TRHDE: variants seen among roughly 807,000 people sequenced by gnomAD.
The protein encoded by TRHDE is thyrotropin releasing hormone degrading enzyme, also known as thyrotropin-releasing hormone-degrading ectoenzyme.
TRHDE carries 72 observed loss-of-function variants against 125.7 expected under a neutral mutation model. The ratio of observed to expected loss-of-function variants is 0.57; its 90% CI spans 0.47 to 0.70. The LOEUF is 0.70. Ranked by LOEUF, TRHDE falls within the 30% of genes least tolerant of loss-of-function variation. The pLI, the probability that TRHDE is intolerant of heterozygous loss-of-function variation, is 0.00. For synonymous variants in TRHDE, 509 were observed against 509.1 expected (o/e 1.00, Z 0.00); for missense variants, 1,110 against 1,327.1 (o/e 0.84, Z 2.54).
intron 7 of TRHDE, among the ~76,000 whole-genome samples, chr12:72,561,449 C>G (rs997601063): frequency 2.6e-5 from 4 of 152,100 alleles, no homozygotes; most frequent in Non-Finnish European, 5.9e-5. Context: ...CCAGCCATAA[C>G]TAAATAGCAC....
chr12:72,108,588 C>A (rs962581102), intron 2 of TRHDE, among the ~76,000 whole-genome samples: 1 of 151,946 alleles, frequency 6.6e-6, no homozygotes, highest in Non-Finnish European at 1.5e-5. Flanking sequence ...TAATGGAGGG[C>A]AATTATGGTA....
At chr12:72,296,410 A>G (rs1880301373) in intron 2 of TRHDE, among the ~76,000 whole-genome samples, 1 of 152,226 alleles carries the variant, frequency 6.6e-6, no homozygotes, top group Admixed American at 6.5e-5. Context: ...CTAAACAGGG[A>G]ACTGAATCCA....
At chr12:72,185,132 A>T (rs1203180845) in intron 2 of TRHDE, among the ~76,000 whole-genome samples, 1 of 151,996 alleles carries the variant, frequency 6.6e-6, no homozygotes, top group Non-Finnish European at 1.5e-5. Flanking sequence ...CCGCACTCGC[A>T]CTCGGAGCAG....
chr12:72,240,449 G>A (rs968816325), intron 2 of TRHDE, among the ~76,000 whole-genome samples: 2 of 151,574 alleles, frequency 1.3e-5, no homozygotes, highest in East Asian at 3.9e-4. Flanking sequence ...AGGTCATCTT[G>A]ACAGATAACA....
At chr12:72,647,174 G>A (rs1425409618) in intron 15 of TRHDE, among the ~76,000 whole-genome samples, 2 of 151,886 alleles carry the variant, frequency 1.3e-5, no homozygotes, top group Non-Finnish European at 2.9e-5. Flanking sequence ...AAAAGAAAAT[G>A]GAAAAGTTTA....
At chr12:72,498,994 T>C (rs1878033788) in intron 5 of TRHDE, among the ~76,000 whole-genome samples, 1 of 149,572 alleles carries the variant, frequency 6.7e-6, no homozygotes, top group Admixed American at 6.7e-5. Flanking sequence ...TGTGTGTGTT[T>C]TGTGTGAGTG....
chr12:72,610,653 C>T (rs900861978), intron 12 of TRHDE: 3 of 152,194 alleles, frequency 2.0e-5, no homozygotes, highest in African/African-American at 7.2e-5. Flanking sequence ...GAAGCAGGAA[C>T]CACAGGTGGA....
At chr12:72,388,890 C>T (rs573472626) in intron 3 of TRHDE, among the ~76,000 whole-genome samples, 2 of 150,384 alleles carry the variant, frequency 1.3e-5, no homozygotes, top group East Asian at 3.9e-4. Flanking sequence ...ATCTAGTTGC[C>T]TATCAGCTCT....
intron 2 of TRHDE, chr12:72,264,518 G>A (rs1879022072): frequency 6.6e-6 from 1 of 152,010 alleles, no homozygotes; most frequent in African/African-American, 2.4e-5. Flanking sequence ...TCTTGTAAAT[G>A]AATATCGATT....
intron 3 of TRHDE, among the ~76,000 whole-genome samples, chr12:72,406,469 A>T (rs1461684399): frequency 6.6e-6 from 1 of 152,070 alleles, no homozygotes; most frequent in Non-Finnish European, 1.5e-5. Context: ...TAGGGTTTAT[A>T]TTGTTAGGTG....
intron 2 of TRHDE, among the ~76,000 whole-genome samples, chr12:72,118,692 G>C (rs1423660845): frequency 6.6e-6 from 1 of 152,104 alleles, no homozygotes; most frequent in East Asian, 1.9e-4. Flanking sequence ...GCTTTCCTTT[G>C]CTGGGAGACT....
At position 72,439,917 on chromosome 12, in the gene TRHDE, T is replaced by C. The variant is rs370005511; in HGVS notation, c.1316-29841T>C. Among the ~76,000 whole-genome samples, 12 of 152,088 alleles carry C rather than the reference T, an allele frequency of 7.9e-5. No homozygotes were observed. The East Asian group carries it at 2.3e-3, about 29-fold the overall frequency. ...GGTTTGTCATATATAGTCTTTGTTT[T>C]GTTGAGTGACATTCCTTCTATACCT... On this transcript the variant is annotated intron_variant, in intron 3 of 18. Coordinates refer to ENST00000261180, the MANE Select transcript of TRHDE (RefSeq NM_013381.3).
chr12:72,610,363 C>T (rs1872589283), intron 12 of TRHDE, among the ~76,000 whole-genome samples: 1 of 152,132 alleles, frequency 6.6e-6, no homozygotes, highest in African/African-American at 2.4e-5. Flanking sequence ...CTCATGTAAG[C>T]ATAGTCCGTG....
intron 12 of TRHDE, among the ~76,000 whole-genome samples, chr12:72,590,495 T>C (rs1192851587): frequency 6.6e-6 from 1 of 152,100 alleles, no homozygotes; most frequent in East Asian, 1.9e-4. Flanking sequence ...CAATTTTTGC[T>C]TTATATATTT....
chr12:72,416,359 A>T (rs1480713535), intron 3 of TRHDE, among the ~76,000 whole-genome samples: 1 of 151,546 alleles, frequency 6.6e-6, no homozygotes, highest in Non-Finnish European at 1.5e-5. Flanking sequence ...CTCTTTGTTG[A>T]TTGTTTCCTT....
chr12:72,540,157 G>C (rs1053124365), intron 6 of TRHDE, among the ~76,000 whole-genome samples: 6 of 151,722 alleles, frequency 4.0e-5, no homozygotes, highest in Admixed American at 3.3e-4. Flanking sequence ...ATAAAATAAG[G>C]ATTTTTGAAT....
chr12:72,280,133 T>TAGC, intron 1 of TRHDE, among the ~76,000 whole-genome samples: 2 of 152,276 alleles, frequency 1.3e-5, no homozygotes, highest in Middle Eastern at 6.8e-3. Flanking sequence ...CCAGACTGCT[T>TAGC]GGCCTCATAT....
At chr12:72,111,356 ACTCAGTTT>A (rs1450641612) in intron 2 of TRHDE, among the ~76,000 whole-genome samples, 1 of 152,122 alleles carries the variant, frequency 6.6e-6, no homozygotes, top group Non-Finnish European at 1.5e-5. Flanking sequence ...AACTGTTTCT[ACTCAGTTT>A]CTCATACTAT....
chr12:72,589,275 G>A (rs1001876925), intron 12 of TRHDE, among the ~76,000 whole-genome samples: 2 of 152,142 alleles, frequency 1.3e-5, no homozygotes, highest in East Asian at 1.9e-4. Context: ...TTTCTCTGAT[G>A]ACCAATGATG....
Sources: gnomAD v4.1 joint callset for allele counts (sites outside exome capture counted in the v4.1 genomes callset) on GRCh38, gnomAD v4.1.1 for gene constraint, MANE v1.5 for transcripts, NCBI Gene and HGNC (gene_info 2026-07-23, HGNC 2026-07-21) for gene names.